The following ZFAND6 variants were observed in gnomAD, a reference collection of about 807,000 sequenced individuals.
ZFAND6 encodes the protein zinc finger AN1-type containing 6.
Under a neutral mutation model 24.5 loss-of-function variants are expected in ZFAND6, and 12 were observed. The observed-to-expected ratio is 0.49, with a 90% CI of 0.31 to 0.79. ZFAND6 has a LOEUF of 0.79. ZFAND6 is among the 30% of genes least tolerant of loss of function. The pLI, the probability that ZFAND6 is intolerant of heterozygous loss-of-function variation, is 0.04. For synonymous variants in ZFAND6, 92 were observed against 81.5 expected (o/e 1.13, Z -0.69); for missense variants, 207 against 245.9 (o/e 0.84, Z 1.06).
chr15:80,128,910 C>A (rs917509408), intron 5 of ZFAND6, among the ~76,000 whole-genome samples: 2 of 152,188 alleles, frequency 1.3e-5, no homozygotes, highest in African/African-American at 4.8e-5. Flanking sequence ...ATTTCCAGAT[C>A]CCATTCAAAT....
intron 1 of ZFAND6, among the ~76,000 whole-genome samples, chr15:80,092,454 G>T (rs892644170): frequency 6.6e-6 from 1 of 152,056 alleles, no homozygotes; most frequent in South Asian, 2.1e-4. Flanking sequence ...AAACAACTGC[G>T]TATCCTCATT....
intron 2 of ZFAND6, among the ~76,000 whole-genome samples, chr15:80,114,739 A>AAG (rs376244026): frequency 4.6e-5 from 7 of 152,322 alleles, no homozygotes; most frequent in African/African-American, 1.4e-4. Context: ...ATTGGTAATG[A>AAG]ATTTTCTTTA....
chr15:80,090,887 T>C (rs1007269882), intron 1 of ZFAND6, among the ~76,000 whole-genome samples: 1 of 152,242 alleles, frequency 6.6e-6, no homozygotes, highest in Non-Finnish European at 1.5e-5. Flanking sequence ...ATTTTAGAAA[T>C]AATAACTTTT....
intron 2 of ZFAND6, 96 bp downstream of exon 2, chr15:80,098,674 C>T (rs2038867680): frequency 6.6e-6 from 1 of 151,924 alleles, no homozygotes; most frequent in South Asian, 2.1e-4. Flanking sequence ...CCTAAGTCAT[C>T]ATGATGAGAC....
intron 1 of ZFAND6, among the ~76,000 whole-genome samples, chr15:80,085,874 A>G (rs2037967266): frequency 6.6e-6 from 1 of 152,028 alleles, no homozygotes; most frequent in African/African-American, 2.4e-5. Flanking sequence ...CTGTATTTTT[A>G]CTGTACCTTT....
chr15:80,086,131 C>T (rs935522046), intron 1 of ZFAND6, among the ~76,000 whole-genome samples: 3 of 152,152 alleles, frequency 2.0e-5, no homozygotes, highest in African/African-American at 4.8e-5. Context: ...CTCCGTCTGC[C>T]GGGTTCGAGT....
At chr15:80,060,729 C>T (rs927996658) in intron 1 of ZFAND6, 3 of 152,342 alleles carry the variant, frequency 2.0e-5, no homozygotes, top group Non-Finnish European at 4.4e-5. Flanking sequence ...CGAGACCATC[C>T]TGGCCAACAT....
At position 80,074,872 on chromosome 15, in the gene ZFAND6, C is replaced by G. The variant is rs954684778; in HGVS notation, c.-181+15063C>G. 2.2e-4 allele frequency among the ~76,000 whole-genome samples: 34 copies of G among 152,038 alleles called. 1 individual carries two copies. The highest frequency in any genetic ancestry group is 2.4e-4 in the Non-Finnish European group (16 of 67,820). Reference sequence around the variant, plus strand: ...ACTTAAGTTGTGTTAAAATCAAAGACAATTCTAAGACAATCATATTTTTTC... The same window carrying G: ...ACTTAAGTTGTGTTAAAATCAAAGAGAATTCTAAGACAATCATATTTTTTC... On this transcript the variant is annotated intron_variant, in intron 1 of 6. Coordinates refer to ENST00000261749, the MANE Select transcript of ZFAND6 (RefSeq NM_019006.4).
At chr15:80,068,508 A>G (rs534252894) in intron 1 of ZFAND6, among the ~76,000 whole-genome samples, 22 of 152,104 alleles carry the variant, frequency 1.4e-4, no homozygotes, top group African/African-American at 5.3e-4. Context: ...AGTAGCTGGG[A>G]TTACAGGCGA....
chr15:80,081,841 C>T (rs2037689218), intron 1 of ZFAND6, among the ~76,000 whole-genome samples: 1 of 152,226 alleles, frequency 6.6e-6, no homozygotes, highest in Non-Finnish European at 1.5e-5. Context: ...TCATATATTA[C>T]TGAGTGCAAA....
chr15:80,095,402 T>G (rs1327281192), intron 1 of ZFAND6, among the ~76,000 whole-genome samples: 1 of 152,228 alleles, frequency 6.6e-6, no homozygotes, highest in Non-Finnish European at 1.5e-5. Context: ...TAGGTTAATG[T>G]GATACCTGCC....
intron 2 of ZFAND6, among the ~76,000 whole-genome samples, chr15:80,117,460 G>GATC (rs1294411040): frequency 6.6e-6 from 1 of 152,140 alleles, no homozygotes; most frequent in Non-Finnish European, 1.5e-5. Flanking sequence ...CAGACCTCGT[G>GATC]ATCCTCCTGA....
chr15:80,115,806 A>G (rs1407780930), intron 2 of ZFAND6, among the ~76,000 whole-genome samples: 1 of 152,154 alleles, frequency 6.6e-6, no homozygotes, highest in Non-Finnish European at 1.5e-5. Context: ...TAGTGTTACA[A>G]GTTTTCAAAC....
intron 2 of ZFAND6, among the ~76,000 whole-genome samples, chr15:80,119,520 C>A (rs1294577054): frequency 2.6e-5 from 4 of 151,822 alleles, no homozygotes; most frequent in African/African-American, 9.7e-5. Context: ...TTCCCTCAAT[C>A]AAAAAATATT....
chr15:80,081,482 C>T (rs1282768449), intron 1 of ZFAND6, among the ~76,000 whole-genome samples: 2 of 152,156 alleles, frequency 1.3e-5, no homozygotes, highest in Non-Finnish European at 2.9e-5. Context: ...AGGAGGACTG[C>T]AGAGTACCGT....
intron 1 of ZFAND6, among the ~76,000 whole-genome samples, chr15:80,085,953 G>T (rs2037974305): frequency 6.6e-6 from 1 of 152,122 alleles, no homozygotes; most frequent in Non-Finnish European, 1.5e-5. Flanking sequence ...TATAAAAAAA[G>T]GTAGTTTATC....
chr15:80,074,497 G>A (rs573963501), intron 1 of ZFAND6, among the ~76,000 whole-genome samples: 1 of 151,818 alleles, frequency 6.6e-6, no homozygotes, highest in Non-Finnish European at 1.5e-5. Context: ...AGTAGTGCCA[G>A]TTAACTTTAC....
At chr15:80,070,533 T>C (rs1596188065) in intron 1 of ZFAND6, among the ~76,000 whole-genome samples, 1 of 152,362 alleles carries the variant, frequency 6.6e-6, no homozygotes, top group Non-Finnish European at 1.5e-5. Context: ...ACCTGTTTGC[T>C]ACCTAAAATG....
intron 1 of ZFAND6, among the ~76,000 whole-genome samples, chr15:80,068,759 A>G (rs528926742): frequency 1.3e-5 from 2 of 152,306 alleles, no homozygotes; most frequent in African/African-American, 4.8e-5. Flanking sequence ...TGCCCAGCCA[A>G]TTTTTAAATT....
Sources: gnomAD v4.1 joint callset for allele counts (sites outside exome capture counted in the v4.1 genomes callset) on GRCh38, gnomAD v4.1.1 for gene constraint, MANE v1.5 for transcripts, NCBI Gene and HGNC (gene_info 2026-07-23, HGNC 2026-07-21) for gene names.